The following RIF1 variants were observed in gnomAD, a reference collection of about 807,000 sequenced individuals.
The protein encoded by RIF1 is replication timing regulatory factor 1.
RIF1 carries 45 observed loss-of-function variants against 247.1 expected under a neutral mutation model. The ratio of observed to expected loss-of-function variants is 0.18; its 90% CI spans 0.14 to 0.23. RIF1 has a LOEUF of 0.23. Among genes scored for constraint, RIF1 ranks in the 10% least tolerant of loss-of-function variants. The probability of loss-of-function intolerance (pLI) is 1.00; values close to 1 mark genes in which losing one functional copy is unlikely to be tolerated. For missense variants in RIF1, 2,967 were observed against 2,862.5 expected (o/e 1.04, Z -0.83); for synonymous variants, 1,087 against 978.8 (o/e 1.11, Z -2.06).
the RIF1 span, among the ~76,000 whole-genome samples, chr2:151,523,807 A>T: frequency 6.6e-6 from 1 of 152,300 alleles, no homozygotes; most frequent in African/African-American, 2.4e-5. Flanking sequence ...AATTTTAATG[A>T]TTTATCCATG....
intron 21 of RIF1, among the ~76,000 whole-genome samples, chr2:151,452,996 C>G (rs1229502431): frequency 6.6e-6 from 1 of 152,128 alleles, no homozygotes; most frequent in Non-Finnish European, 1.5e-5. Flanking sequence ...AATGTTAAGA[C>G]TAACCGAAAG....
chr2:151,421,937 C>G (rs919974344), intron 7 of RIF1, among the ~76,000 whole-genome samples: 2 of 151,666 alleles, frequency 1.3e-5, no homozygotes, highest in African/African-American at 2.4e-5. Flanking sequence ...TGGGTTCAAG[C>G]GATTCTCCTG....
chr2:151,462,920 G>A lies in RIF1; in HGVS notation c.3400G>A (p.Asp1134Asn). The A allele has an allele frequency of 6.2e-7, 1 of 1,610,936 alleles. No homozygotes were observed. The highest frequency in any genetic ancestry group is 1.7e-4 in the Middle Eastern group (1 of 6,034). The change falls in exon 30 of 36, where the codon GAT becomes AAT. Residue 1134 changes from aspartate (D) to asparagine (N), a missense_variant. Physicochemically the swap from Asp to Asn is conservative, Grantham distance 23. Transcript: ENST00000444746. ...GGACAGTGACATTGTCATTCCTCAA[G>A]ATGTCACGGAAGACTGTGGTATGGC... is the stretch of plus-strand genomic sequence containing the variant. ...QMDSDIVIPQ[D>N]VTEDCGMAEH... is the part of the protein sequence containing the mutation.
At chr2:151,423,236 C>T (rs1688473025) in intron 8 of RIF1, 194 bp downstream of exon 8, 3 of 503,888 alleles carry the variant, frequency 6.0e-6, no homozygotes, top group Non-Finnish European at 1.0e-5. Context: ...TTTGTAGACA[C>T]CCAAAGTGGC....
the RIF1 span, chr2:151,514,291 C>T: frequency 7.5e-6 from 11 of 1,469,872 alleles, no homozygotes; most frequent in African/African-American, 5.6e-5. Context: ...GTATGAATTA[C>T]GTGCAGGCAG....
At chr2:151,516,634 T>A in the RIF1 span, 1 of 998,626 alleles carries the variant, frequency 1.0e-6, no homozygotes, top group South Asian at 1.4e-5. Flanking sequence ...AGGATAGTAT[T>A]TTTTAATTGA....
In RIF1 at chr2:151,410,013, A is replaced by T. The variant is rs1317303378; in HGVS notation, c.-31A>T. 14 of 702,642 alleles carry T rather than the reference A, an allele frequency of 2.0e-5. No homozygotes were observed. The highest frequency in any genetic ancestry group is 3.6e-5 in the Non-Finnish European group (14 of 384,870). 43.5% of individuals were successfully genotyped at this position (702,642 alleles called of 1,614,324 possible). A position where few individuals can be genotyped will look rare whatever the true frequency, so the allele number is the denominator to read the frequency against. On this transcript the variant is annotated 5_prime_UTR_variant, in exon 1 of 36. Coordinates refer to ENST00000444746, the MANE Select transcript of RIF1 (RefSeq NM_018151.5). Reference sequence around the variant, plus strand: ...GTGCTGAGGGGCAGAGGCGGAGAGAACCCTGTCCTGATCTTCCTAGGTGGG... The same window carrying T: ...GTGCTGAGGGGCAGAGGCGGAGAGATCCCTGTCCTGATCTTCCTAGGTGGG...
chr2:151,531,098 G>C, the RIF1 span: 1 of 1,595,490 alleles, frequency 6.3e-7, no homozygotes, highest in Non-Finnish European at 8.6e-7. Context: ...AATTTATAAA[G>C]GATCTGAAAG....
chr2:151,420,195 T>C lies in RIF1; in HGVS notation c.509T>C (p.Ile170Thr). 2 of 1,612,754 alleles carry C rather than the reference T, an allele frequency of 1.2e-6. No individual in the cohort carries two copies. The highest frequency in any genetic ancestry group is 2.2e-5 in the South Asian group (2 of 91,000). Residue 170 changes from isoleucine (I) to threonine (T), a missense_variant, in exon 7 of 36, where the codon ATT (isoleucine) becomes ACT (threonine). Around this residue, in one of 7 missense-constraint regions of RIF1, gnomAD observed 269 missense variants for 288.6 expected, o/e 0.93. Coordinates refer to ENST00000444746, the MANE Select transcript of RIF1 (RefSeq NM_018151.5). ...CATTGATTTCTCTATTATAGGCTAA[T>C]TGAACAAGCCCCAATTCAAATGGGA... ...FEALNVIVRLIEQAPIQMGEE... is the reference protein window; with the variant it reads ...FEALNVIVRLTEQAPIQMGEE...
At chr2:151,529,307 T>A in the RIF1 span, 2 of 1,605,338 alleles carry the variant, frequency 1.2e-6, no homozygotes, top group Non-Finnish European at 1.7e-6. Flanking sequence ...TACTTCTTTG[T>A]ATTTCAGCTG....
chr2:151,481,251 T>C lies in RIF1; in HGVS notation c.*6180T>C, dbSNP rs2049156298. ...CTAGCTGGCAGAATGTGGTCTTGAT[T>C]ACTTAATTTCTGTTACCCCTGTGTT... On this transcript the variant is annotated 3_prime_UTR_variant, in exon 36 of 36. Transcript: ENST00000444746. 1.3e-5 allele frequency: 2 copies of C among 152,230 alleles called. No homozygotes were observed. The highest frequency in any genetic ancestry group is 2.9e-5 in the Non-Finnish European group (2 of 68,040). The allele number at this position is 152,230 out of a possible 1,614,324, so 9.4% of individuals were successfully genotyped here. A position where few individuals can be genotyped will look rare whatever the true frequency, so the allele number is the denominator to read the frequency against.
intron 31 of RIF1, 59 bp downstream of exon 31, chr2:151,468,205 T>G: frequency 7.0e-7 from 1 of 1,431,470 alleles, no homozygotes; most frequent in Non-Finnish European, 9.6e-7. Context: ...TACATGTACA[T>G]GATGTGTCAT....
At chr2:151,519,018 TC>T in the RIF1 span, 11 of 1,613,774 alleles carry the variant, frequency 6.8e-6, no homozygotes, top group Non-Finnish European at 9.3e-6. Flanking sequence ...AGAGACTCCT[TC>T]ATGTCAGTCA....
chr2:151,451,816 T>A (rs1201975641), intron 21 of RIF1, 111 bp downstream of exon 21: 1 of 621,004 alleles, frequency 1.6e-6, no homozygotes, highest in Non-Finnish European at 2.9e-6. Flanking sequence ...ACTTTTGATC[T>A]TGTTTAACCA....
At chr2:151,427,252 G>T (rs1252944060) in intron 8 of RIF1, among the ~76,000 whole-genome samples, 5 of 148,716 alleles carry the variant, frequency 3.4e-5, no homozygotes, top group Non-Finnish European at 7.4e-5. Flanking sequence ...CACTCTTGTT[G>T]CCCAGGCTGG....
chr2:151,474,570 G>T (rs2048829789), intron 35 of RIF1, among the ~76,000 whole-genome samples: 1 of 152,150 alleles, frequency 6.6e-6, no homozygotes, highest in Non-Finnish European at 1.5e-5. Flanking sequence ...CAGTTACTTG[G>T]GAGGCTGAGG....
intron 11 of RIF1, chr2:151,503,009 G>T: frequency 1.6e-6 from 1 of 633,318 alleles, no homozygotes; most frequent in South Asian, 2.0e-5. Context: ...ATTTAGTAAG[G>T]ATAATGTTTT....
chr2:151,450,429 C>T (rs1461857097), intron 20 of RIF1, among the ~76,000 whole-genome samples: 8 of 151,944 alleles, frequency 5.3e-5, no homozygotes, highest in Non-Finnish European at 4.4e-5. Context: ...ACTTTGATGC[C>T]ATATTGTTAT....
chr2:151,475,069 T>C lies in RIF1; in HGVS notation c.7417T>C (p.Ter2473GlnextTer18). Residue 2473 changes from the stop codon to glutamine, a stop_lost, in exon 36 of 36, where the codon TAG (stop) becomes CAG (glutamine). Transcript: ENST00000444746. ...ATCACCATCCCATGAAAATTCTATT[T>C]AGTATTTTCAGAGAAAATTGAAGGT... is the stretch of plus-strand genomic sequence containing the variant. Reference protein sequence around the residue: ...WRSPSHENSI* With the variant: ...WRSPSHENSIQ The C allele has an allele frequency of 6.2e-7, 1 of 1,600,696 alleles. No individual in the cohort carries two copies. Among genetic ancestry groups the C allele is most frequent in the Non-Finnish European group, 8.6e-7 (1 of 1,168,620 alleles).
Sources: gnomAD v4.1 joint callset for allele counts (sites outside exome capture counted in the v4.1 genomes callset) on GRCh38, gnomAD v4.1.1 for gene constraint, gnomAD v4.1.1 regional missense constraint, MANE v1.5 for transcripts, NCBI Gene and HGNC (gene_info 2026-07-23, HGNC 2026-07-21) for gene names.